Variants in NFIA observed in about 807,000 individuals in gnomAD.
NFIA encodes the protein nuclear factor 1 A-type.
In NFIA, 8 loss-of-function variants were observed where a neutral mutation model predicts 62.8. That is an observed-to-expected ratio of 0.13 (90% CI 0.07 to 0.23). The LOEUF is 0.23. Among genes scored for constraint, NFIA ranks in the 10% least tolerant of loss-of-function variants. NFIA has a pLI of 1.00. For missense variants in NFIA, 410 were observed against 642.1 expected (o/e 0.64, Z 3.91); for synonymous variants, 235 against 238.1 (o/e 0.99, Z 0.12).
intron 2 of NFIA, among the ~76,000 whole-genome samples, chr1:61,104,557 A>G (rs533005404): frequency 7.2e-5 from 11 of 152,136 alleles, no homozygotes; most frequent in African/African-American, 2.6e-4. Flanking sequence ...TCTAAGGGAA[A>G]CAGAACCCAA....
intron 2 of NFIA, among the ~76,000 whole-genome samples, chr1:61,193,113 A>G (rs920505475): frequency 2.6e-5 from 4 of 152,220 alleles, no homozygotes; most frequent in African/African-American, 4.8e-5. Flanking sequence ...AATGTGGGGG[A>G]AAACATGGCT....
At chr1:61,373,584 A>G (rs1180063728) in intron 6 of NFIA, among the ~76,000 whole-genome samples, 1 of 152,088 alleles carries the variant, frequency 6.6e-6, no homozygotes, top group East Asian at 1.9e-4. Context: ...GCTCTCTATC[A>G]TGTTTTAACT....
intron 4 of NFIA, among the ~76,000 whole-genome samples, chr1:61,335,362 A>G (rs1661545942): frequency 6.6e-6 from 1 of 151,684 alleles, no homozygotes; most frequent in South Asian, 2.1e-4. Flanking sequence ...TTCGTCACCT[A>G]CGCACCCTCC....
At chr1:61,307,033 G>A (rs1023152278) in intron 3 of NFIA, among the ~76,000 whole-genome samples, 1 of 152,150 alleles carries the variant, frequency 6.6e-6, no homozygotes, top group African/African-American at 2.4e-5. Context: ...GGTGAATGCA[G>A]CACAGATTAC....
chr1:61,254,641 G>A (rs1409918606), intron 2 of NFIA, among the ~76,000 whole-genome samples: 2 of 152,114 alleles, frequency 1.3e-5, no homozygotes, highest in Non-Finnish European at 2.9e-5. Context: ...ACCTTTTTGT[G>A]GCCTATGGAA....
At chr1:61,165,925 A>G (rs1649536299) in intron 2 of NFIA, among the ~76,000 whole-genome samples, 1 of 152,224 alleles carries the variant, frequency 6.6e-6, no homozygotes, top group African/African-American at 2.4e-5. Context: ...TAATACTACG[A>G]TAATTAAATA....
At chr1:61,082,021 G>A (rs776625949), upstream of NFIA, 13 of 1,549,348 alleles carry the variant, frequency 8.4e-6, no homozygotes, top group East Asian at 4.9e-5. Flanking sequence ...GGGCAACCTG[G>A]CAAAGTTGCC....
intron 2 of NFIA, among the ~76,000 whole-genome samples, chr1:61,175,451 A>T (rs1650276440): frequency 6.6e-6 from 1 of 152,096 alleles, no homozygotes; most frequent in Non-Finnish European, 1.5e-5. Flanking sequence ...CCTTATCATG[A>T]TTTTGAGTTT....
chr1:61,232,061 C>T (rs1207793644), intron 2 of NFIA, among the ~76,000 whole-genome samples: 1 of 151,996 alleles, frequency 6.6e-6, no homozygotes, highest in Non-Finnish European at 1.5e-5. Context: ...CAAAACAGAA[C>T]TCAATATGCA....
chr1:61,409,289 G>T (rs1197954478), intron 9 of NFIA, among the ~76,000 whole-genome samples: 1 of 152,146 alleles, frequency 6.6e-6, no homozygotes, highest in Non-Finnish European at 1.5e-5. Context: ...GACACAGAAA[G>T]GTTTTTATCA....
At chr1:61,381,100 G>GA (rs71582641) in intron 6 of NFIA, among the ~76,000 whole-genome samples, 15,458 of 134,744 alleles carry the variant, frequency 0.11, 1,066 homozygotes, top group East Asian at 0.4. Context: ...TCCATTATCT[G>GA]AAAAAAAAAA....
At chr1:61,329,049 CTTTTTTTTTTT>C (rs369972455) in intron 3 of NFIA, among the ~76,000 whole-genome samples, 2 of 122,444 alleles carry the variant, frequency 1.6e-5, no homozygotes, top group Non-Finnish European at 3.4e-5. Context: ...TTCTTTTTTT[CTTTTTTTTTTT>C]TTTTTGAGAT....
chr1:61,265,870 G>A (rs1180303651), intron 2 of NFIA, among the ~76,000 whole-genome samples: 2 of 152,110 alleles, frequency 1.3e-5, no homozygotes, highest in African/African-American at 4.8e-5. Context: ...ACTGTTAGTG[G>A]GCTATTTGCG....
At chr1:61,241,495 T>G (rs1008200366) in intron 2 of NFIA, among the ~76,000 whole-genome samples, 2 of 152,204 alleles carry the variant, frequency 1.3e-5, no homozygotes, top group Admixed American at 6.5e-5. Context: ...ACTAGCGTTC[T>G]ATTTAAACAG....
At chr1:61,383,189 A>G in intron 6 of NFIA, 48 bp from the exon 7 acceptor site, 1 of 1,606,270 alleles carries the variant, frequency 6.2e-7, no homozygotes, top group Non-Finnish European at 8.5e-7. Context: ...TGCACAAATC[A>G]TTGTTCCATG....
chr1:61,442,963 G>A (rs1475393345), intron 10 of NFIA, among the ~76,000 whole-genome samples: 1 of 152,190 alleles, frequency 6.6e-6, no homozygotes. Flanking sequence ...TATCCAGTAA[G>A]AGGAAGCTTC....
At chr1:61,115,775 G>T (rs947672927) in intron 2 of NFIA, among the ~76,000 whole-genome samples, 2 of 152,218 alleles carry the variant, frequency 1.3e-5, no homozygotes, top group Admixed American at 6.5e-5. Flanking sequence ...ACTTGCCCTT[G>T]CCCCAGAGAG....
chr1:61,417,591 T>C (rs1187195284), intron 9 of NFIA, among the ~76,000 whole-genome samples: 1 of 151,956 alleles, frequency 6.6e-6, no homozygotes, highest in East Asian at 1.9e-4. Flanking sequence ...CTTCATTGCT[T>C]TCAGAAAGGT....
At chr1:61,426,426 G>A (rs760636518) in intron 9 of NFIA, 39 bp from the exon 10 acceptor site, 26 of 1,386,346 alleles carry the variant, frequency 1.9e-5, no homozygotes, top group East Asian at 2.5e-5. Context: ...GTGCAATCTC[G>A]TGCCGCTTCC....
Sources: allele counts gnomAD v4.1 joint callset (sites outside exome capture counted in the v4.1 genomes callset), GRCh38; gene constraint gnomAD v4.1.1; transcripts MANE v1.5; gene names NCBI Gene and HGNC (gene_info 2026-07-23, HGNC 2026-07-21).